SGK1: variants seen among roughly 807,000 people sequenced by gnomAD.
SGK1 encodes serine/threonine-protein kinase Sgk1.
Under a neutral mutation model 64.2 loss-of-function variants are expected in SGK1, and 26 were observed. The ratio of observed to expected loss-of-function variants is 0.40; its 90% CI spans 0.30 to 0.56. The LOEUF (loss-of-function observed/expected upper bound fraction) is 0.56. Ranked by LOEUF, SGK1 falls within the 20% of genes least tolerant of loss-of-function variation. SGK1 has a pLI of 0.38. For synonymous variants in SGK1, 265 were observed against 239.7 expected, an observed-to-expected ratio of 1.11 and a Z score of -0.98; for missense variants, 519 against 645.6, an observed-to-expected ratio of 0.80 and a Z score of 2.12.
intron 2 of SGK1, among the ~76,000 whole-genome samples, chr6:134,255,012 G>T (rs542447338): frequency 1.0e-3 from 154 of 152,222 alleles, no homozygotes; most frequent in African/African-American, 3.5e-3. Flanking sequence ...GAGATTGCAG[G>T]CATGCGCCAC....
chr6:134,267,788 C>G (rs1353710231), intron 1 of SGK1, among the ~76,000 whole-genome samples: 1 of 152,108 alleles, frequency 6.6e-6, no homozygotes, highest in Non-Finnish European at 1.5e-5. Flanking sequence ...GAGAAATACT[C>G]CCTTTCTCCA....
intron 1 of SGK1, chr6:134,297,875 C>T: frequency 1.3e-6 from 1 of 794,810 alleles, no homozygotes; most frequent in Non-Finnish European, 2.2e-6. Flanking sequence ...CATATTTGAT[C>T]TGGTACATGC....
At chr6:134,253,558 G>A (rs889893452) in intron 2 of SGK1, among the ~76,000 whole-genome samples, 2 of 152,126 alleles carry the variant, frequency 1.3e-5, no homozygotes, top group Non-Finnish European at 2.9e-5. Context: ...TACTTGGAGG[G>A]CTGAGGATTG....
At chr6:134,242,250 C>T (rs1776460383) in intron 2 of SGK1, among the ~76,000 whole-genome samples, 1 of 152,042 alleles carries the variant, frequency 6.6e-6, no homozygotes, top group Admixed American at 6.5e-5. Context: ...CTTTGGGAGG[C>T]CAAGGTGGGC....
chr6:134,239,330 T>A (rs1456164724), intron 2 of SGK1, among the ~76,000 whole-genome samples: 2 of 152,220 alleles, frequency 1.3e-5, no homozygotes, highest in Admixed American at 1.3e-4. Context: ...GTGCACAAAG[T>A]GCTCACTAGC....
At chr6:134,257,296 G>A (rs1362538855) in intron 2 of SGK1, among the ~76,000 whole-genome samples, 1 of 152,148 alleles carries the variant, frequency 6.6e-6, no homozygotes, top group Non-Finnish European at 1.5e-5. Context: ...CCAGCTATTC[G>A]CAAGGCTGAG....
intron 1 of SGK1, among the ~76,000 whole-genome samples, chr6:134,299,803 C>CT (rs10637676): frequency 0.22 from 29,259 of 133,572 alleles, 3,745 homozygotes; most frequent in East Asian, 0.55. Flanking sequence ...ATCCCTGTGA[C>CT]TTTTTTTTTT....
chr6:134,241,146 C>G (rs1776441742), intron 2 of SGK1, among the ~76,000 whole-genome samples: 2 of 149,332 alleles, frequency 1.3e-5, no homozygotes, highest in Non-Finnish European at 2.9e-5. Flanking sequence ...GACTCCCTGG[C>G]TCAAGCAATT....
chr6:134,209,326 C>G (rs1775847675), intron 2 of SGK1, among the ~76,000 whole-genome samples: 1 of 152,072 alleles, frequency 6.6e-6, no homozygotes, highest in South Asian at 2.1e-4. Flanking sequence ...CCCAGCTACT[C>G]AGGAACCTGA....
chr6:134,238,770 C>A (rs972362088), intron 2 of SGK1, among the ~76,000 whole-genome samples: 1 of 151,930 alleles, frequency 6.6e-6, no homozygotes, highest in East Asian at 1.9e-4. Flanking sequence ...TGCATTCTAC[C>A]GACTAACAGA....
At chr6:134,172,151 A>G (rs1244835804) in intron 10 of SGK1, 42 bp downstream of exon 10, 1 of 1,604,868 alleles carries the variant, frequency 6.2e-7, no homozygotes, top group Admixed American at 1.7e-5. Context: ...TCTCTCTTGG[A>G]AGGCGGGGGT....
intron 2 of SGK1, among the ~76,000 whole-genome samples, chr6:134,236,686 C>G (rs887901861): frequency 6.6e-6 from 1 of 152,074 alleles, no homozygotes; most frequent in African/African-American, 2.4e-5. Context: ...CACACACAAC[C>G]ATTAAGGGAT....
At chr6:134,196,606 G>A (rs1775598337) in intron 3 of SGK1, among the ~76,000 whole-genome samples, 1 of 152,202 alleles carries the variant, frequency 6.6e-6, no homozygotes, top group Non-Finnish European at 1.5e-5. Context: ...TACACTACCG[G>A]GCAGTTTCCT....
At chr6:134,222,813 A>G (rs994808215) in intron 2 of SGK1, among the ~76,000 whole-genome samples, 15 of 152,230 alleles carry the variant, frequency 9.9e-5, no homozygotes, top group African/African-American at 3.6e-4. Context: ...TGCACTCATC[A>G]AAAGCATATT....
intron 1 of SGK1, among the ~76,000 whole-genome samples, chr6:134,280,252 G>C (rs953524840): frequency 6.7e-6 from 1 of 148,418 alleles, no homozygotes; most frequent in Non-Finnish European, 1.5e-5. Flanking sequence ...CATCTTCAAA[G>C]TGCCTTTTCT....
intron 1 of SGK1, among the ~76,000 whole-genome samples, chr6:134,272,419 G>T (rs1266462698): frequency 6.8e-6 from 1 of 146,144 alleles, no homozygotes; most frequent in Non-Finnish European, 1.5e-5. Context: ...CTCCCAGAGT[G>T]CTGGGATTAC....
chr6:134,191,504 C>T (rs1379228528), intron 3 of SGK1, among the ~76,000 whole-genome samples: 1 of 152,142 alleles, frequency 6.6e-6, no homozygotes, highest in East Asian at 1.9e-4. Context: ...TACACATTCT[C>T]AAGGCGGGTA....
chr6:134,252,426 G>A (rs117782155), intron 2 of SGK1, among the ~76,000 whole-genome samples: 1,708 of 152,248 alleles, frequency 0.011, 9 homozygotes, highest in Middle Eastern at 0.02. Context: ...TTGGGAACAA[G>A]GGCTTGATCA....
chr6:134,231,083 A>G (rs1416051285), intron 2 of SGK1, among the ~76,000 whole-genome samples: 4 of 152,224 alleles, frequency 2.6e-5, no homozygotes, highest in South Asian at 2.1e-4. Flanking sequence ...CAGCTACTCA[A>G]GAGGTTAAGG....
Sources: allele counts gnomAD v4.1 joint callset (sites outside exome capture counted in the v4.1 genomes callset), GRCh38; gene constraint gnomAD v4.1.1; transcripts MANE v1.5; gene names NCBI Gene and HGNC (gene_info 2026-07-23, HGNC 2026-07-21).